The following RBMS1 variants were observed in gnomAD, a reference collection of about 807,000 sequenced individuals.
RBMS1 encodes the protein RNA binding motif single stranded interacting protein 1.
In RBMS1, 17 loss-of-function variants were observed where a neutral mutation model predicts 62.3. The observed-to-expected ratio is 0.27, with a 90% CI of 0.19 to 0.41. The LOEUF (loss-of-function observed/expected upper bound fraction) is 0.41. Ranked by LOEUF, RBMS1 falls within the 10% of genes least tolerant of loss-of-function variation. The probability of loss-of-function intolerance (pLI) is 1.00; values close to 1 mark genes in which losing one functional copy is unlikely to be tolerated. For synonymous variants in RBMS1, 172 were observed against 170.0 expected (o/e 1.01, Z -0.09); for missense variants, 334 against 504.5 (o/e 0.66, Z 3.24).
chr2:160,467,208 A>C (rs542839108), intron 1 of RBMS1, among the ~76,000 whole-genome samples: 2,398 of 143,690 alleles, frequency 0.017, 26 homozygotes, highest in Non-Finnish European at 0.026. Flanking sequence ...GGGTAAAAAG[A>C]AAAAAAAAAA....
intron 1 of RBMS1, among the ~76,000 whole-genome samples, chr2:160,369,936 A>C (rs1334084294): frequency 6.6e-6 from 1 of 152,192 alleles, no homozygotes; most frequent in Non-Finnish European, 1.5e-5. Context: ...TTTCTGGCCA[A>C]AATACAGCTA....
intron 1 of RBMS1, among the ~76,000 whole-genome samples, chr2:160,458,094 G>C (rs527771313): frequency 1.3e-5 from 2 of 151,978 alleles, no homozygotes; most frequent in East Asian, 3.9e-4. Flanking sequence ...CTCCTGAGTA[G>C]CTGGGTCCAC....
chr2:160,331,251 C>T (rs1373524585), intron 2 of RBMS1, among the ~76,000 whole-genome samples: 1 of 152,174 alleles, frequency 6.6e-6, no homozygotes, highest in African/African-American at 2.4e-5. Flanking sequence ...CTGTATATCG[C>T]TATACAGGTC....
At chr2:160,407,878 C>T (rs1012135688) in intron 1 of RBMS1, 10 of 981,102 alleles carry the variant, frequency 1.0e-5, no homozygotes, top group Non-Finnish European at 1.2e-5. Context: ...CGCGTCCCCA[C>T]CTACCGCGGC....
At position 160,487,430 on chromosome 2, in the gene RBMS1, G is replaced by T. The variant is rs1685642197; in HGVS notation, c.75+5859C>A. On this transcript the variant is annotated intron_variant, in intron 1 of 13. Coordinates refer to ENST00000348849, the MANE Select transcript of RBMS1 (RefSeq NM_016836.4). ...TCTGTCCTCCCTGGTAGCTTGTGAG[G>T]TGCTGGAGAGCAGGTACCAGATATT... is the stretch of plus-strand genomic sequence containing the variant. Among the ~76,000 whole-genome samples the T allele has an allele frequency of 3.3e-5, 5 of 152,176 alleles. No individual in the cohort carries two copies. The South Asian group carries it at 1.0e-3, about 32-fold the overall frequency.
intron 1 of RBMS1, among the ~76,000 whole-genome samples, chr2:160,463,537 A>T (rs1684558671): frequency 1.3e-5 from 2 of 152,134 alleles, no homozygotes; most frequent in Non-Finnish European, 2.9e-5. Flanking sequence ...TAATCCCAGC[A>T]CTTTGGGAGT....
At chr2:160,489,694 G>A (rs1412177985) in intron 1 of RBMS1, among the ~76,000 whole-genome samples, 1 of 152,018 alleles carries the variant, frequency 6.6e-6, no homozygotes. Flanking sequence ...AAACAAAATT[G>A]TTTTGTTTTA....
intron 1 of RBMS1, among the ~76,000 whole-genome samples, chr2:160,403,903 C>T (rs953051405): frequency 6.6e-6 from 1 of 152,106 alleles, no homozygotes; most frequent in Non-Finnish European, 1.5e-5. Flanking sequence ...AGAAACAACA[C>T]AAAGGAAAAA....
chr2:160,467,968 C>T (rs999043974), intron 1 of RBMS1, among the ~76,000 whole-genome samples: 2 of 152,036 alleles, frequency 1.3e-5, no homozygotes, highest in Admixed American at 1.3e-4. Flanking sequence ...TACAAGAAAA[C>T]CTCAAGCAGG....
rs890574330 is a variant in RBMS1 at position 160,367,136 on chromosome 2, T to C, written c.251+80A>G. The C allele has an allele frequency of 3.7e-6, 5 of 1,357,282 alleles. No individual in the cohort carries two copies. In the Admixed American group the frequency reaches 8.0e-5, roughly 22 times the overall value. 84.1% of individuals were successfully genotyped at this position (1,357,282 alleles called of 1,614,324 possible). ...ACAGATACTTCTTATAAACTTCTCT[T>C]ATAATGCAGTATATATCACTCTATA... On this transcript the variant is annotated intron_variant, in intron 2 of 13. Coordinates refer to ENST00000348849, the MANE Select transcript of RBMS1 (RefSeq NM_016836.4).
chr2:160,317,004 C>G (rs894559290), intron 3 of RBMS1, among the ~76,000 whole-genome samples: 1 of 152,134 alleles, frequency 6.6e-6, no homozygotes, highest in Non-Finnish European at 1.5e-5. Context: ...TAATTTGACT[C>G]TCTCTAGTTT....
In RBMS1 at chr2:160,493,748, G is replaced by A. The variant is rs964279565; in HGVS notation, c.-385C>T. On this transcript the variant is annotated 5_prime_UTR_variant, in exon 1 of 14. Coordinates refer to ENST00000348849, the MANE Select transcript of RBMS1 (RefSeq NM_016836.4). The stretch of plus-strand genomic sequence containing the variant: ...CGAGCCGGCTGCGCGGGGCTGAGAG[G>A]TGATCAATACAAGTGGAAAGTGCGG... The A allele has an allele frequency of 3.4e-6, 1 of 293,898 alleles. No homozygotes were observed. Among genetic ancestry groups the A allele is most frequent in the Non-Finnish European group, 6.4e-6 (1 of 155,162 alleles). 18.2% of individuals were successfully genotyped at this position (293,898 alleles called of 1,614,324 possible).
chr2:160,320,773 C>T lies in RBMS1; in HGVS notation c.252-2546G>A, dbSNP rs888021872. 5.9e-5 allele frequency among the ~76,000 whole-genome samples: 9 copies of T among 152,134 alleles called. No homozygotes were observed. In the South Asian group the frequency reaches 6.2e-4, roughly 11 times the overall value. On this transcript the variant is annotated intron_variant, in intron 2 of 13. Coordinates refer to ENST00000348849, the MANE Select transcript of RBMS1 (RefSeq NM_016836.4). ...GCTTCTTGTACAACCGGCAGAACTA[C>T]GAACCAAATAAACCTTTTCTTTTAA... is the stretch of plus-strand genomic sequence containing the variant.
chr2:160,449,402 A>G lies in RBMS1; in HGVS notation c.75+43887T>C, dbSNP rs544708553. Among the ~76,000 whole-genome samples the G allele has an allele frequency of 3.7e-4, 56 of 152,364 alleles. 2 individuals are homozygous for G. The South Asian group carries it at 0.011, about 30-fold the overall frequency. ...GAATAGAAAAGGGGGAAATGTGGGG[A>G]AAAGAAAGAGAGATCAGATTGTTAC... is the stretch of plus-strand genomic sequence containing the variant. On this transcript the variant is annotated intron_variant, in intron 1 of 13. Coordinates refer to ENST00000348849, the MANE Select transcript of RBMS1 (RefSeq NM_016836.4).
At chr2:160,414,311 GT>G (rs201776521) in intron 1 of RBMS1, among the ~76,000 whole-genome samples, 7 of 149,892 alleles carry the variant, frequency 4.7e-5, no homozygotes, top group South Asian at 4.3e-4. Context: ...TTGTTTTTTT[GT>G]TTTTTTTTCT....
At position 160,451,158 on chromosome 2, in the gene RBMS1, G is replaced by GAAAAAA. The variant is rs71006607; in HGVS notation, c.75+42125_75+42130dup. On this transcript the variant is annotated intron_variant, in intron 1 of 13. Coordinates refer to ENST00000348849, the MANE Select transcript of RBMS1 (RefSeq NM_016836.4). ...GGTGACAGAGCAAGACCATGCTTCA[G>GAAAAAA]AAAAAAAAAAATAAATAAATAAAAA... Among the ~76,000 whole-genome samples, 282 of 128,034 alleles carry GAAAAAA rather than the reference G, an allele frequency of 2.2e-3. 1 individual carries two copies. Among genetic ancestry groups the GAAAAAA allele is most frequent in the African/African-American group, 6.9e-3 (262 of 37,718 alleles). 84.0% of individuals were successfully genotyped at this position (128,034 alleles called of 152,430 possible). A position where few individuals can be genotyped will look rare whatever the true frequency, so the allele number is the denominator to read the frequency against.
chr2:160,275,113 A>G (rs1687761373), intron 13 of RBMS1, among the ~76,000 whole-genome samples: 1 of 152,256 alleles, frequency 6.6e-6, no homozygotes, highest in African/African-American at 2.4e-5. Context: ...TAAGTTCTAC[A>G]CAGCTATTTT....
intron 2 of RBMS1, among the ~76,000 whole-genome samples, chr2:160,356,291 T>C (rs1692798032): frequency 6.6e-6 from 1 of 152,154 alleles, no homozygotes; most frequent in African/African-American, 2.4e-5. Flanking sequence ...TCTATCCTCC[T>C]GCCTTTATTT....
At chr2:160,491,328 G>C (rs1263322165) in intron 1 of RBMS1, among the ~76,000 whole-genome samples, 1 of 152,192 alleles carries the variant, frequency 6.6e-6, no homozygotes, top group Non-Finnish European at 1.5e-5. Context: ...TAGGATTTCA[G>C]ATTTAATTGT....
Sources: allele counts gnomAD v4.1 joint callset (sites outside exome capture counted in the v4.1 genomes callset), GRCh38; gene constraint gnomAD v4.1.1; transcripts MANE v1.5; gene names NCBI Gene and HGNC (gene_info 2026-07-23, HGNC 2026-07-21).